The following BOP1 variants were observed in gnomAD, a reference collection of about 807,000 sequenced individuals.
BOP1 encodes BOP1 ribosomal biogenesis factor.
BOP1 carries 54 observed loss-of-function variants against 82.9 expected under a neutral mutation model. The ratio of observed to expected loss-of-function variants is 0.65; its 90% CI spans 0.52 to 0.82. BOP1 has a LOEUF of 0.82. Among genes scored for constraint, BOP1 ranks in the 40% least tolerant of loss-of-function variants. The pLI is 0.00. For synonymous variants in BOP1, 566 were observed against 451.1 expected, an observed-to-expected ratio of 1.25 and a Z score of -3.23; for missense variants, 1,170 against 1,072.0, an observed-to-expected ratio of 1.09 and a Z score of -1.28.
rs1466353253 is a variant in BOP1, at chr8:144,263,212, C to T, written c.1605+9G>A. ...CGCTGCAGCCTCACCCCCAAGGCGC[C>T]CCACGTACCTTCCCGTGGCAGATGC... On this transcript the variant is annotated intron_variant, in intron 12 of 15. Coordinates refer to ENST00000569669, the MANE Select transcript of BOP1 (RefSeq NM_015201.5). The T allele has an allele frequency of 1.9e-6, 3 of 1,594,208 alleles. No individual in the cohort carries two copies. Among genetic ancestry groups the T allele is most frequent in the Non-Finnish European group, 2.5e-6 (3 of 1,178,960 alleles).
intron 3 of BOP1, chr8:144,268,292 G>A: frequency 8.6e-7 from 1 of 1,159,886 alleles, no homozygotes; most frequent in South Asian, 1.5e-5. Flanking sequence ...CGGGGCCGAG[G>A]GACAGACGGA....
intron 2 of BOP1, among the ~76,000 whole-genome samples, chr8:144,276,557 T>C (rs1845570403): frequency 6.6e-6 from 1 of 152,120 alleles, no homozygotes; most frequent in Non-Finnish European, 1.5e-5. Context: ...CCTCTGTCCC[T>C]GGGCTGACAC....
chr8:144,277,984 C>T (rs587664061), intron 2 of BOP1, among the ~76,000 whole-genome samples: 6 of 152,340 alleles, frequency 3.9e-5, no homozygotes, highest in East Asian at 3.9e-4. Flanking sequence ...GCCCACGCCA[C>T]GCTCCGGACT....
intron 2 of BOP1, among the ~76,000 whole-genome samples, chr8:144,283,727 T>C (rs1241062099): frequency 2.0e-5 from 3 of 152,146 alleles, no homozygotes; most frequent in East Asian, 3.9e-4. Flanking sequence ...AGCAACACCA[T>C]GAGGGAGGCT....
chr8:144,262,515 G>T lies in BOP1; in HGVS notation c.1980-12C>A. The T allele has an allele frequency of 6.2e-7, 1 of 1,612,940 alleles. No homozygotes were observed. Among genetic ancestry groups the T allele is most frequent in the Non-Finnish European group, 8.5e-7 (1 of 1,179,766 alleles). On this transcript the variant is annotated splice_polypyrimidine_tract_variant and intron_variant, in intron 14 of 15. Transcript: ENST00000569669. ...CCTTCTTGTGGTGTCTGGGGGGAGG[G>T]AACCAGGTTGAAGGCAGGCTCGGGC...
intron 2 of BOP1, among the ~76,000 whole-genome samples, chr8:144,278,783 A>G (rs1324654211): frequency 1.3e-5 from 2 of 152,220 alleles, no homozygotes; most frequent in African/African-American, 4.8e-5. Context: ...CAGGGTGCCC[A>G]GCACAGAGAC....
At chr8:144,273,313 G>A (rs1178689244) in intron 3 of BOP1, among the ~76,000 whole-genome samples, 2 of 152,190 alleles carry the variant, frequency 1.3e-5, no homozygotes, top group East Asian at 1.9e-4. Flanking sequence ...GCATCCCTGC[G>A]GGAACCTGAC....
In BOP1 at chr8:144,291,178, G is replaced by C; in HGVS notation, c.99+94C>G. ...CCGATTCACTGGGCGCGGGCGCCCA[G>C]GTGACAGAAGCCGGGCCCACCCGCC... is the stretch of plus-strand genomic sequence containing the variant. On this transcript the variant is annotated intron_variant, in intron 1 of 15. Coordinates refer to ENST00000569669, the MANE Select transcript of BOP1 (RefSeq NM_015201.5). The surrounding 1 kb of genome is among the most constrained non-coding windows in gnomAD (Gnocchi z 4.1). The C allele has an allele frequency of 7.0e-6, 8 of 1,148,460 alleles. No homozygotes were observed. Among genetic ancestry groups the C allele is most frequent in the Middle Eastern group, 3.4e-4 (1 of 2,946 alleles). 71.1% of individuals were successfully genotyped at this position (1,148,460 alleles called of 1,614,324 possible). A position where few individuals can be genotyped will look rare whatever the true frequency, so the allele number is the denominator to read the frequency against.
Position 144,262,272 on chromosome 8 carries a change from C to G in BOP1, c.2133G>C (p.Lys711Asn). 6.2e-7 allele frequency: 1 copy of G among 1,612,800 alleles called. No homozygotes were observed. The stretch of plus-strand genomic sequence containing the variant: ...CCAGATCTCGGGTCAGCACGTGTCC[C>G]TTCAGCACCTTGACGGGCACCAGCA... ...NPLLVPVKVLKGHVLTRDLGV... is the reference protein window; with the variant it reads ...NPLLVPVKVLNGHVLTRDLGV... The change falls in exon 16 of 16, where the codon AAG (lysine) becomes AAC (asparagine). Residue 711 changes from lysine (K) to asparagine (N), a missense_variant. Coordinates refer to ENST00000569669, the MANE Select transcript of BOP1 (RefSeq NM_015201.5).
At chr8:144,268,375 C>T (rs1487877499) in intron 3 of BOP1, 14 of 598,678 alleles carry the variant, frequency 2.3e-5, no homozygotes, top group East Asian at 1.4e-4. Context: ...GAACTTTCTG[C>T]GCTGGCTTTT....
In BOP1 at chr8:144,263,619, G is replaced by C; in HGVS notation, c.1292-9C>G. 6.2e-7 allele frequency: 1 copy of C among 1,608,498 alleles called. No individual in the cohort carries two copies. The highest frequency in any genetic ancestry group is 8.5e-7 in the Non-Finnish European group (1 of 1,179,424). On this transcript the variant is annotated splice_polypyrimidine_tract_variant and intron_variant, in intron 10 of 15. Transcript: ENST00000569669. ...GGAGCCGTCGTCAGAGCCTGGATGC[G>C]GCAGAGACAGCTCTCAACACCTGGC...
At chr8:144,275,054 G>A (rs1043453189) in intron 3 of BOP1, among the ~76,000 whole-genome samples, 5 of 151,974 alleles carry the variant, frequency 3.3e-5, no homozygotes, top group South Asian at 2.1e-4. Context: ...TCGGGCGGGC[G>A]GCCAAGGCTC....
chr8:144,273,752 G>A (rs908984193), intron 3 of BOP1, among the ~76,000 whole-genome samples: 1 of 151,484 alleles, frequency 6.6e-6, no homozygotes, highest in Non-Finnish European at 1.5e-5. Flanking sequence ...GGGTGAGGTG[G>A]CCATGCGGGG....
chr8:144,273,015 G>C (rs966398789), intron 3 of BOP1, among the ~76,000 whole-genome samples: 5 of 152,220 alleles, frequency 3.3e-5, no homozygotes, highest in African/African-American at 1.2e-4. Flanking sequence ...GGCCGCGGGG[G>C]TGGATGGCCG....
At position 144,291,301 on chromosome 8, in the gene BOP1, G is replaced by A. The variant is rs1554840180; in HGVS notation, c.70C>T (p.Pro24Ser). The A allele has an allele frequency of 6.9e-7, 1 of 1,449,820 alleles. No homozygotes were observed. The highest frequency in any genetic ancestry group is 3.1e-5 in the East Asian group (1 of 31,748). 89.8% of individuals were successfully genotyped at this position (1,449,820 alleles called of 1,614,324 possible). A position where few individuals can be genotyped will look rare whatever the true frequency, so the allele number is the denominator to read the frequency against. The stretch of plus-strand genomic sequence containing the variant: ...GGCTCGGGCTCAGGCTCCAGTTCGG[G>A]CTCAGACCGCCGCTTCTCCGGCCGC... The part of the protein sequence containing the change: ...SVRPEKRRSE[P>S]ELEPEPEPEP... The change falls in exon 1 of 16, where the codon CCC (proline) becomes TCC (serine). Residue 24 changes from proline to serine, a missense_variant. Pro to Ser is a moderately conservative substitution (Grantham distance 74). Transcript: ENST00000569669. The surrounding 1 kb of genome is among the most constrained non-coding windows in gnomAD (Gnocchi z 4.1).
Position 144,264,705 on chromosome 8 carries a change from G to A in BOP1, c.663+9C>T, listed in dbSNP as rs1369418356. The stretch of plus-strand genomic sequence containing the variant: ...CCCCGCCGCCCAGGGGCCAGCCCCT[G>A]CCACCTACCTCATAGGGGTTGAAGC... On this transcript the variant is annotated intron_variant, in intron 5 of 15. Transcript: ENST00000569669. The A allele has an allele frequency of 1.8e-5, 29 of 1,569,448 alleles. No homozygotes were observed. The highest frequency in any genetic ancestry group is 2.3e-5 in the Non-Finnish European group (27 of 1,157,966).
At chr8:144,278,021 C>T (rs1007740327) in intron 2 of BOP1, among the ~76,000 whole-genome samples, 1 of 152,242 alleles carries the variant, frequency 6.6e-6, no homozygotes, top group Non-Finnish European at 1.5e-5. Flanking sequence ...CCTCCCGCCA[C>T]GCCCATGCCT....
intron 3 of BOP1, chr8:144,268,164 G>C (rs1264412019): frequency 6.4e-7 from 1 of 1,550,472 alleles, no homozygotes; most frequent in Non-Finnish European, 8.7e-7. Flanking sequence ...CAGCAGCCAG[G>C]AGGCAGACGC....
rs1845670189 is a variant in BOP1, at chr8:144,281,114, TCTCAGTTTAATACCAGGTCTTAGGCCTTC to T, written c.310-4839_310-4811del. 5.4e-4 allele frequency among the ~76,000 whole-genome samples: 67 copies of T among 124,722 alleles called. 22 individuals are homozygous for T. Among genetic ancestry groups the T allele is most frequent in the Admixed American group, 9.4e-4 (12 of 12,800 alleles). The allele number at this position is 124,722 out of a possible 152,430, so 81.8% of individuals were successfully genotyped here. ...CTTTAATACCAGGTCTTCGGCCTTC[TCTCAGTTTAATACCAGGTCTTAGGCCTTC>T]TCTCAGTTTAATACCAGGTCTTCGG... is the stretch of plus-strand genomic sequence containing the variant. On this transcript the variant is annotated intron_variant, in intron 2 of 15. Transcript: ENST00000569669.
Sources: gnomAD v4.1 joint callset for allele counts (sites outside exome capture counted in the v4.1 genomes callset) on GRCh38, gnomAD v4.1.1 for gene constraint, Gnocchi (gnomAD v3.1) non-coding constraint, MANE v1.5 for transcripts, NCBI Gene and HGNC (gene_info 2026-07-23, HGNC 2026-07-21) for gene names.